Variants in RFX7 observed in about 807,000 individuals in gnomAD.
RFX7 encodes the protein regulatory factor X7, also known as DNA-binding protein RFX7.
Under a neutral mutation model 111.8 loss-of-function variants are expected in RFX7, and 26 were observed. The observed-to-expected ratio is 0.23, with a 90% CI of 0.17 to 0.32. The LOEUF is 0.32. Among genes scored for constraint, RFX7 ranks in the 10% least tolerant of loss-of-function variants. RFX7 has a pLI of 1.00. For missense variants in RFX7, 1,573 were observed against 1,772.9 expected, an observed-to-expected ratio of 0.89 and a Z score of 2.02; for synonymous variants, 624 against 624.4, an observed-to-expected ratio of 1.00 and a Z score of 0.01.
intron 2 of RFX7, among the ~76,000 whole-genome samples, chr15:56,225,721 G>C (rs2043475830): frequency 6.6e-6 from 1 of 152,152 alleles, no homozygotes; most frequent in African/African-American, 2.4e-5. Flanking sequence ...CTACAAGCAA[G>C]TAAACTATCT....
chr15:56,104,705 C>G (rs1374163202), intron 5 of RFX7, among the ~76,000 whole-genome samples: 1 of 152,110 alleles, frequency 6.6e-6, no homozygotes, highest in Non-Finnish European at 1.5e-5. Context: ...CCCCTGGGAG[C>G]CTTAATACAG....
At chr15:56,193,968 A>T (rs2043123348) in intron 2 of RFX7, among the ~76,000 whole-genome samples, 1 of 152,184 alleles carries the variant, frequency 6.6e-6, no homozygotes, top group East Asian at 1.9e-4. Context: ...ATTTCCCTTT[A>T]TTCAAATTTA....
At chr15:56,113,933 T>A (rs1429503493) in intron 5 of RFX7, among the ~76,000 whole-genome samples, 2 of 152,116 alleles carry the variant, frequency 1.3e-5, no homozygotes, top group African/African-American at 4.8e-5. Flanking sequence ...AACAAAACAT[T>A]TGCTAGACAA....
chr15:56,220,473 C>A (rs1242712893), intron 2 of RFX7, among the ~76,000 whole-genome samples: 3 of 151,926 alleles, frequency 2.0e-5, no homozygotes, highest in African/African-American at 7.2e-5. Flanking sequence ...GTCAGGTGAT[C>A]CACCCGCCTC....
chr15:56,109,731 G>A (rs1356140928), intron 5 of RFX7, among the ~76,000 whole-genome samples: 2 of 150,846 alleles, frequency 1.3e-5, no homozygotes, highest in South Asian at 2.1e-4. Context: ...GTCTCTGCCC[G>A]GCCGCCCCGT....
intron 2 of RFX7, among the ~76,000 whole-genome samples, chr15:56,185,947 G>T (rs1019849752): frequency 6.6e-6 from 1 of 152,166 alleles, no homozygotes; most frequent in African/African-American, 2.4e-5. Context: ...CTCATATCCT[G>T]TGGGTTACAG....
At chr15:56,160,307 A>G (rs1361842668) in intron 3 of RFX7, among the ~76,000 whole-genome samples, 1 of 151,910 alleles carries the variant, frequency 6.6e-6, no homozygotes, top group Non-Finnish European at 1.5e-5. Context: ...CATGTCCATA[A>G]TTAGTCCATG....
At chr15:56,147,698 C>A (rs371668199) in intron 3 of RFX7, among the ~76,000 whole-genome samples, 2 of 152,056 alleles carry the variant, frequency 1.3e-5, no homozygotes, top group Non-Finnish European at 2.9e-5. Flanking sequence ...CTCAGCCTTC[C>A]GAGCAGCTGG....
At position 56,096,545 on chromosome 15, in the gene RFX7, C is replaced by T; in HGVS notation, c.1183G>A (p.Val395Ile). ...TGCATGTGCTGAGTGACCACCTGTA[C>T]ATTGAGGGGAAGAACTTTGCCGTCA... Reference protein sequence around the residue: ...SSDGKVLPLNVQVVTQHMQSV... With the variant: ...SSDGKVLPLNIQVVTQHMQSV... Residue 395 changes from valine (V) to isoleucine (I), a missense_variant, in exon 10 of 10, where the codon GTA (valine) becomes ATA (isoleucine). This residue lies in a region of RFX7 where 288 missense variants were observed against 337.9 expected (regional missense o/e 0.85). Coordinates refer to ENST00000559447, the MANE Select transcript of RFX7 (RefSeq NM_022841.7). The T allele has an allele frequency of 1.9e-6, 3 of 1,600,950 alleles. No individual in the cohort carries two copies. Among genetic ancestry groups the T allele is most frequent in the Non-Finnish European group, 2.6e-6 (3 of 1,173,452 alleles).
intron 2 of RFX7, chr15:56,192,901 G>A (rs879908629): frequency 1.5e-5 from 3 of 197,770 alleles, no homozygotes; most frequent in Admixed American, 4.9e-5. Flanking sequence ...ACCTCTTGGA[G>A]AGCTTGATTT....
rs558533500 is a variant in RFX7 at position 56,147,730 on chromosome 15, G to C, written c.196-3247C>G. On this transcript the variant is annotated intron_variant, in intron 3 of 9. Coordinates refer to ENST00000559447, the MANE Select transcript of RFX7 (RefSeq NM_022841.7). ...CTGGGACTACTGGCACCCGCCACCA[G>C]GCCCAGCCAATTTTTTGCATTTTTA... Among the ~76,000 whole-genome samples, 46 of 152,136 alleles carry C rather than the reference G, an allele frequency of 3.0e-4. No homozygotes were observed. In the South Asian group the frequency reaches 9.5e-3, roughly 32 times the overall value.
intron 2 of RFX7, among the ~76,000 whole-genome samples, chr15:56,201,996 A>G (rs1418269931): frequency 1.3e-5 from 2 of 152,156 alleles, no homozygotes; most frequent in Non-Finnish European, 2.9e-5. Flanking sequence ...GCGTCACTGC[A>G]CTCCAGCCTG....
chr15:56,093,704 G>A lies in RFX7; in HGVS notation c.4024C>T (p.Gln1342Ter). 2 of 1,613,690 alleles carry A rather than the reference G, an allele frequency of 1.2e-6. No homozygotes were observed. The highest frequency in any genetic ancestry group is 1.7e-6 in the Non-Finnish European group (2 of 1,179,698). Reference protein sequence around the residue: ...DNQAQSEIGEQQLDFNSTVKD... With the variant: ...DNQAQSEIGE ...ACAGTGCTATTGAAATCTAATTGTTGCTCTCCAATTTCTGATTGTGCTTGA... is the reference window on the plus strand; with the variant it reads ...ACAGTGCTATTGAAATCTAATTGTTACTCTCCAATTTCTGATTGTGCTTGA... Residue 1342 changes from glutamine (Q) to a stop codon, truncating the protein, a stop_gained, in exon 10 of 10, where the codon CAA becomes TAA. Transcript: ENST00000559447. LOFTEE classifies it high-confidence loss of function.
intron 5 of RFX7, among the ~76,000 whole-genome samples, chr15:56,120,129 T>A (rs1325654477): frequency 6.6e-6 from 1 of 152,216 alleles, no homozygotes; most frequent in Non-Finnish European, 1.5e-5. Flanking sequence ...ATTCTTTGAA[T>A]CCATGAACAT....
At chr15:56,139,690 C>A (rs1268059689) in intron 5 of RFX7, among the ~76,000 whole-genome samples, 9 of 152,196 alleles carry the variant, frequency 5.9e-5, no homozygotes, top group Non-Finnish European at 8.8e-5. Flanking sequence ...AGGAGAGGCG[C>A]TCTGGTTTTT....
chr15:56,164,941 A>G (rs2042765648), intron 3 of RFX7, among the ~76,000 whole-genome samples: 1 of 152,234 alleles, frequency 6.6e-6, no homozygotes, highest in Non-Finnish European at 1.5e-5. Context: ...ATGGTCCCCA[A>G]GCTTTTCAGT....
At chr15:56,160,785 T>A (rs1218863393) in intron 3 of RFX7, 1 of 152,024 alleles carries the variant, frequency 6.6e-6, no homozygotes, top group Non-Finnish European at 1.5e-5. Flanking sequence ...GAGAAAAAGG[T>A]CAGGTATGAG....
At chr15:56,104,285 G>C (rs1468761274) in intron 5 of RFX7, among the ~76,000 whole-genome samples, 1 of 152,146 alleles carries the variant, frequency 6.6e-6, no homozygotes, top group African/African-American at 2.4e-5. Flanking sequence ...GTGGGATCTG[G>C]AGACACACCA....
rs773419847 is a variant in RFX7, at chr15:56,095,731, T to C, written c.1997A>G (p.Glu666Gly). The C allele has an allele frequency of 3.1e-6, 5 of 1,613,866 alleles. No homozygotes were observed. In the South Asian group the frequency reaches 5.5e-5, roughly 18 times the overall value. Residue 666 changes from glutamate to glycine, a missense_variant, in exon 10 of 10, where the codon GAG becomes GGG. By Grantham distance (98) the Glu-to-Gly change is moderately conservative. This residue lies in a region of RFX7 where 625 missense variants were observed against 632.2 expected (regional missense o/e 0.99). Coordinates refer to ENST00000559447, the MANE Select transcript of RFX7 (RefSeq NM_022841.7). Reference protein sequence around the residue: ...PRKRLSSTLQETQVPPVKKPI... With the variant: ...PRKRLSSTLQGTQVPPVKKPI... Reference sequence around the variant, plus strand: ...TTTCTTTACAGGAGGCACCTGGGTCTCCTGCAATGTAGAAGACAGTCGTTT... The same window carrying C: ...TTTCTTTACAGGAGGCACCTGGGTCCCCTGCAATGTAGAAGACAGTCGTTT...
Sources: allele counts gnomAD v4.1 joint callset (sites outside exome capture counted in the v4.1 genomes callset), GRCh38; gene constraint gnomAD v4.1.1; regional missense constraint gnomAD v4.1.1; transcripts MANE v1.5; gene names NCBI Gene and HGNC (gene_info 2026-07-23, HGNC 2026-07-21).